Variants in PPP1R14C observed in about 807,000 individuals in gnomAD.
PPP1R14C encodes the protein protein phosphatase 1 regulatory subunit 14C.
Under a neutral mutation model 20.4 loss-of-function variants are expected in PPP1R14C, and 16 were observed. The observed-to-expected ratio is 0.78, with a 90% confidence interval of 0.53 to 1.19. PPP1R14C has a LOEUF of 1.19. PPP1R14C is among the 50% of genes most tolerant of loss of function. The pLI is 0.00. For synonymous variants in PPP1R14C, 91 were observed against 91.0 expected (o/e 1.00, Z 0.00); for missense variants, 211 against 220.1 (o/e 0.96, Z 0.26).
chr6:150,245,082 C>T (rs561096246), intron 3 of PPP1R14C, among the ~76,000 whole-genome samples: 29 of 152,218 alleles, frequency 1.9e-4, no homozygotes, highest in South Asian at 2.1e-4. Context: ...CCAGTTGATG[C>T]GGAACAGTGA....
rs530672984 is a variant in PPP1R14C at position 150,214,821 on chromosome 6, A to C, written c.384A>C (p.Lys128Asn). The C allele has an allele frequency of 1.7e-5, 27 of 1,608,868 alleles. 1 individual carries two copies. In the South Asian group the frequency reaches 2.9e-4, roughly 17 times the overall value. Residue 128 changes from lysine (K) to asparagine (N), a missense_variant, in exon 2 of 4, where the codon AAA becomes AAC. Transcript: ENST00000361131. ...ACAGTGATGAAGAGAGAGCTTCAAA[A>C]TTACAGGTAAGCAGTTTCCAAAATT... Reference protein sequence around the residue: ...DADSDEERASKLQEALVDCYK... With the variant: ...DADSDEERASNLQEALVDCYK...
At chr6:150,177,711 G>A (rs982722845) in intron 1 of PPP1R14C, among the ~76,000 whole-genome samples, 1 of 152,134 alleles carries the variant, frequency 6.6e-6, no homozygotes, top group Non-Finnish European at 1.5e-5. Flanking sequence ...CCTTCTCGGA[G>A]ACCAGTTGGA....
intron 1 of PPP1R14C, 119 bp from the exon 2 acceptor site, chr6:150,214,625 T>C: frequency 1.8e-6 from 1 of 546,864 alleles, no homozygotes; most frequent in Non-Finnish European, 3.3e-6. Context: ...TCCCCCTGCT[T>C]ATCTGTCAGC....
At chr6:150,187,253 G>A (rs1033643087) in intron 1 of PPP1R14C, among the ~76,000 whole-genome samples, 1 of 51,160 alleles carries the variant, frequency 2.0e-5, no homozygotes. Context: ...TTCTCTGTGT[G>A]TGTGTGTGTG....
chr6:150,199,818 A>G (rs957113730), intron 1 of PPP1R14C, among the ~76,000 whole-genome samples: 1 of 151,662 alleles, frequency 6.6e-6, no homozygotes, highest in Non-Finnish European at 1.5e-5. Flanking sequence ...ACAGTGAGCT[A>G]TGATTGTGCC....
At chr6:150,211,441 A>G (rs960726016) in intron 1 of PPP1R14C, among the ~76,000 whole-genome samples, 13 of 152,194 alleles carry the variant, frequency 8.5e-5, no homozygotes, top group African/African-American at 3.1e-4. Context: ...CACCAGAGCC[A>G]CTGTTTAGGG....
intron 1 of PPP1R14C, among the ~76,000 whole-genome samples, chr6:150,198,346 C>T (rs551606356): frequency 2.1e-5 from 3 of 143,998 alleles, no homozygotes; most frequent in Admixed American, 6.8e-5. Context: ...TGCCCCTGGC[C>T]GCCACGGTGG....
intron 3 of PPP1R14C, among the ~76,000 whole-genome samples, chr6:150,217,236 C>A (rs1185427016): frequency 6.9e-6 from 1 of 144,366 alleles, no homozygotes; most frequent in Non-Finnish European, 1.5e-5. Flanking sequence ...CGCTCTGTTG[C>A]GCAGGTTGGA....
At chr6:150,203,260 C>T (rs368047885) in intron 1 of PPP1R14C, among the ~76,000 whole-genome samples, 1 of 152,192 alleles carries the variant, frequency 6.6e-6, no homozygotes, top group Non-Finnish European at 1.5e-5. Context: ...GATGGTTTTA[C>T]TATCTCCATA....
At chr6:150,216,275 C>G (rs1160690756) in intron 2 of PPP1R14C, among the ~76,000 whole-genome samples, 10 of 152,156 alleles carry the variant, frequency 6.6e-5, no homozygotes, top group Admixed American at 6.5e-4. Context: ...GCGGGTGGAT[C>G]ACCTGAGGTC....
At chr6:150,228,479 T>C (rs1327020594) in intron 3 of PPP1R14C, among the ~76,000 whole-genome samples, 1 of 152,194 alleles carries the variant, frequency 6.6e-6, no homozygotes, top group Non-Finnish European at 1.5e-5. Context: ...GACAGCATTC[T>C]CTTAGCAGTG....
intron 1 of PPP1R14C, among the ~76,000 whole-genome samples, chr6:150,160,334 G>A (rs903930456): frequency 9.1e-5 from 13 of 142,522 alleles, no homozygotes; most frequent in Non-Finnish European, 1.6e-4. Flanking sequence ...GCGCGATCTC[G>A]GCTCACTGCA....
intron 1 of PPP1R14C, among the ~76,000 whole-genome samples, chr6:150,212,156 T>C (rs1778032545): frequency 6.6e-6 from 1 of 152,254 alleles, no homozygotes. Context: ...GGGGTAGCAC[T>C]GTCCAATAGA....
intron 1 of PPP1R14C, among the ~76,000 whole-genome samples, chr6:150,188,647 C>T (rs1206092848): frequency 4.0e-5 from 6 of 150,624 alleles, no homozygotes; most frequent in Admixed American, 6.6e-5. Flanking sequence ...CCACCACGCC[C>T]GGCTAATTTT....
At chr6:150,199,278 T>C (rs1777848029) in intron 1 of PPP1R14C, among the ~76,000 whole-genome samples, 2 of 152,164 alleles carry the variant, frequency 1.3e-5, no homozygotes, top group South Asian at 4.1e-4. Flanking sequence ...ACGGCTATCA[T>C]TCGAATGTGT....
intron 3 of PPP1R14C, among the ~76,000 whole-genome samples, chr6:150,231,476 G>GT (rs1365430920): frequency 6.6e-6 from 1 of 152,160 alleles, no homozygotes; most frequent in East Asian, 1.9e-4. Context: ...ACTTTGTCTA[G>GT]TTTTTTCCTC....
At chr6:150,226,444 T>C (rs1188066617) in intron 3 of PPP1R14C, among the ~76,000 whole-genome samples, 1 of 152,220 alleles carries the variant, frequency 6.6e-6, no homozygotes, top group African/African-American at 2.4e-5. Context: ...GGAAGCCTGC[T>C]AGCCAGACTT....
At chr6:150,222,765 C>CTGTT (rs1778184710) in intron 3 of PPP1R14C, among the ~76,000 whole-genome samples, 1 of 71,278 alleles carries the variant, frequency 1.4e-5, no homozygotes, top group Non-Finnish European at 2.4e-5. Flanking sequence ...TTCAAACTGG[C>CTGTT]TTTTTTTTTT....
chr6:150,152,125 A>G (rs1199920586), intron 1 of PPP1R14C, among the ~76,000 whole-genome samples: 1 of 72,968 alleles, frequency 1.4e-5, no homozygotes, highest in Non-Finnish European at 2.7e-5. Flanking sequence ...GTCTCAAAAA[A>G]AAAAAAAAAA....
Sources: allele counts gnomAD v4.1 joint callset (sites outside exome capture counted in the v4.1 genomes callset), GRCh38; gene constraint gnomAD v4.1.1; transcripts MANE v1.5; gene names NCBI Gene and HGNC (gene_info 2026-07-23, HGNC 2026-07-21).